SYK: variants seen among roughly 807,000 people sequenced by gnomAD.
SYK encodes tyrosine-protein kinase SYK.
Under a neutral mutation model 77.8 loss-of-function variants are expected in SYK, and 16 were observed. The ratio of observed to expected loss-of-function variants is 0.21; its 90% CI spans 0.14 to 0.31. SYK has a LOEUF of 0.31. Among genes scored for constraint, SYK ranks in the 10% least tolerant of loss-of-function variants. SYK has a pLI of 1.00. For missense variants in SYK, 529 were observed against 814.4 expected, an observed-to-expected ratio of 0.65 and a Z score of 4.26; for synonymous variants, 312 against 308.7, an observed-to-expected ratio of 1.01 and a Z score of -0.11.
chr9:90,835,569 C>T (rs1826044740), intron 1 of SYK, among the ~76,000 whole-genome samples: 1 of 152,124 alleles, frequency 6.6e-6, no homozygotes, highest in South Asian at 2.1e-4. Context: ...TTGTCCTGTG[C>T]ACAGTTGGAA....
At position 90,898,337 on chromosome 9, in the gene SYK, G is replaced by A. The variant is rs367775503; in HGVS notation, c.*2737G>A. On this transcript the variant is annotated 3_prime_UTR_variant, in exon 14 of 14. Transcript: ENST00000375754. Reference sequence around the variant, plus strand: ...CCAGCCCTGCCTGTAGCTGCTGTATGGTGATTGCACTTGGACATCAGTCCA... The same window carrying A: ...CCAGCCCTGCCTGTAGCTGCTGTATAGTGATTGCACTTGGACATCAGTCCA... 7 of 228,778 alleles carry A rather than the reference G, an allele frequency of 3.1e-5. No homozygotes were observed. The South Asian group carries it at 1.1e-3, about 36-fold the overall frequency. The allele number at this position is 228,778 out of a possible 1,614,324, so 14.2% of individuals were successfully genotyped here.
At chr9:90,892,796 TGG>T (rs1828844001) in intron 13 of SYK, among the ~76,000 whole-genome samples, 1 of 152,200 alleles carries the variant, frequency 6.6e-6, no homozygotes, top group Non-Finnish European at 1.5e-5. Context: ...AGCCCTCCAG[TGG>T]GGGCCTCTGC....
At chr9:90,843,273 C>T (rs1015412239) in intron 1 of SYK, among the ~76,000 whole-genome samples, 14 of 152,206 alleles carry the variant, frequency 9.2e-5, no homozygotes, top group African/African-American at 3.4e-4. Context: ...CCACAAGTCA[C>T]AGTTCCGTGT....
At chr9:90,834,572 A>G (rs927913475) in intron 1 of SYK, among the ~76,000 whole-genome samples, 1 of 152,088 alleles carries the variant, frequency 6.6e-6, no homozygotes, top group African/African-American at 2.4e-5. Context: ...TCTTTTGTTC[A>G]TTGGCAATGA....
chr9:90,861,256 G>A (rs1000829354), intron 3 of SYK, among the ~76,000 whole-genome samples: 1 of 152,090 alleles, frequency 6.6e-6, no homozygotes, highest in African/African-American at 2.4e-5. Flanking sequence ...CTGCAGTGGG[G>A]GTGTTGTTCC....
intron 3 of SYK, among the ~76,000 whole-genome samples, chr9:90,847,774 T>A (rs1826653444): frequency 6.6e-6 from 1 of 152,188 alleles, no homozygotes; most frequent in East Asian, 1.9e-4. Context: ...GTCTTGAGGA[T>A]TCAATGAAAA....
intron 9 of SYK, among the ~76,000 whole-genome samples, chr9:90,875,974 C>T (rs1827910004): frequency 6.6e-6 from 1 of 151,940 alleles, no homozygotes; most frequent in Non-Finnish European, 1.5e-5. Context: ...AAAATATAGA[C>T]AAAAATATAC....
At chr9:90,856,845 T>A (rs1827056467) in intron 3 of SYK, among the ~76,000 whole-genome samples, 1 of 152,354 alleles carries the variant, frequency 6.6e-6, no homozygotes, top group East Asian at 1.9e-4. Flanking sequence ...GCCTGATTGA[T>A]ATTAATCTGT....
chr9:90,897,837 C>T lies in SYK; in HGVS notation c.*2237C>T, dbSNP rs114553487. 8.9e-3 allele frequency: 1,975 copies of T among 222,876 alleles called. 33 individuals carry two copies. Among genetic ancestry groups the T allele is most frequent in the African/African-American group, 0.041 (1,838 of 44,804 alleles). The allele number at this position is 222,876 out of a possible 1,614,324, so 13.8% of individuals were successfully genotyped here. A position where few individuals can be genotyped will look rare whatever the true frequency, so the allele number is the denominator to read the frequency against. On this transcript the variant is annotated 3_prime_UTR_variant, in exon 14 of 14. Coordinates refer to ENST00000375754, the MANE Select transcript of SYK (RefSeq NM_003177.7). Reference sequence around the variant, plus strand: ...TGCAGAATTCCCACTGTGGCCAGCACGAGGAAGTCTTTTCTAGTGAAAATG... The same window carrying T: ...TGCAGAATTCCCACTGTGGCCAGCATGAGGAAGTCTTTTCTAGTGAAAATG...
intron 13 of SYK, 110 bp downstream of exon 13, chr9:90,888,737 G>C (rs1828676098): frequency 1.2e-6 from 1 of 842,248 alleles, no homozygotes; most frequent in Admixed American, 3.4e-5. Flanking sequence ...TCAGGAATGT[G>C]CCCGCTTTCT....
chr9:90,888,865 A>G (rs545205146), intron 13 of SYK, among the ~76,000 whole-genome samples: 2 of 152,296 alleles, frequency 1.3e-5, no homozygotes, highest in South Asian at 4.1e-4. Context: ...CGAGTGTCCA[A>G]ATTTAAATGT....
At chr9:90,871,094 A>T (rs1406860023) in intron 7 of SYK, among the ~76,000 whole-genome samples, 2 of 152,256 alleles carry the variant, frequency 1.3e-5, no homozygotes, top group African/African-American at 4.8e-5. Flanking sequence ...ACCAATAGGA[A>T]ATCAGGGATA....
chr9:90,884,685 A>G (rs200962420), intron 11 of SYK, among the ~76,000 whole-genome samples: 1 of 55,026 alleles, frequency 1.8e-5, no homozygotes, highest in East Asian at 9.4e-4. Context: ...ATATACACAT[A>G]TACACATATG....
chr9:90,817,878 T>TGAGA (rs1216898080), intron 1 of SYK, among the ~76,000 whole-genome samples: 13 of 39,490 alleles, frequency 3.3e-4, no homozygotes, highest in East Asian at 1.1e-3. Context: ...TGTGTGTGTG[T>TGAGA]GTGTGAGAGA....
At chr9:90,880,932 GGCTTCCCTTGGGCCCAT>G (rs1564117428) in intron 11 of SYK, among the ~76,000 whole-genome samples, 1 of 152,208 alleles carries the variant, frequency 6.6e-6, no homozygotes, top group Non-Finnish European at 1.5e-5. Context: ...GGGGCCCTTG[GGCTTCCCTTGGGCCCAT>G]GCTTCCCTTG....
intron 13 of SYK, among the ~76,000 whole-genome samples, chr9:90,891,843 G>T (rs1312443458): frequency 6.6e-6 from 1 of 152,134 alleles, no homozygotes; most frequent in Non-Finnish European, 1.5e-5. Flanking sequence ...AGATGCAGGG[G>T]GTCCCTCACT....
intron 11 of SYK, among the ~76,000 whole-genome samples, chr9:90,882,418 A>G (rs1473277135): frequency 6.6e-6 from 1 of 152,210 alleles, no homozygotes; most frequent in Non-Finnish European, 1.5e-5. Context: ...TTTCACTGAA[A>G]TCATGTCCCC....
chr9:90,885,792 T>C (rs1205077512), intron 11 of SYK, among the ~76,000 whole-genome samples: 1 of 152,148 alleles, frequency 6.6e-6, no homozygotes, highest in Non-Finnish European at 1.5e-5. Flanking sequence ...AAAGAAAATC[T>C]TCTAATTACC....
intron 11 of SYK, among the ~76,000 whole-genome samples, chr9:90,881,635 G>A (rs1200567189): frequency 6.1e-5 from 8 of 130,620 alleles, no homozygotes; most frequent in African/African-American, 1.5e-4. Context: ...AGCTGAGATC[G>A]TGCCACTGCA....
Sources: allele counts gnomAD v4.1 joint callset (sites outside exome capture counted in the v4.1 genomes callset), GRCh38; gene constraint gnomAD v4.1.1; transcripts MANE v1.5; gene names NCBI Gene and HGNC (gene_info 2026-07-23, HGNC 2026-07-21).